The following TARBP1 variants were observed in gnomAD, a reference collection of about 807,000 sequenced individuals.
TARBP1 encodes the protein tRNA (guanosine(18)-2'-O)-methyltransferase TARBP1.
In TARBP1, 144 loss-of-function variants were observed where a neutral mutation model predicts 178.6. That is an observed-to-expected ratio of 0.81 (90% CI 0.70 to 0.93). The LOEUF (loss-of-function observed/expected upper bound fraction) is 0.93, where lower values mean the gene tolerates loss of function less well. Ranked by LOEUF, TARBP1 falls within the 40% of genes least tolerant of loss-of-function variation. TARBP1 has a pLI of 0.00. For synonymous variants in TARBP1, 787 were observed against 781.0 expected (o/e 1.01, Z -0.13); for missense variants, 2,067 against 2,011.7 (o/e 1.03, Z -0.53).
In TARBP1 at chr1:234,391,576, A is replaced by G; in HGVS notation, c.*1T>C. Reference sequence around the variant, plus strand: ...AGCAGCAGTTCACTAAGGAAGGCACATCATGGCTTGGTATCTCCGTGCGAG... The same window carrying G: ...AGCAGCAGTTCACTAAGGAAGGCACGTCATGGCTTGGTATCTCCGTGCGAG... On this transcript the variant is annotated 3_prime_UTR_variant, in exon 30 of 30. Coordinates refer to ENST00000040877, the MANE Select transcript of TARBP1 (RefSeq NM_005646.4). The G allele has an allele frequency of 6.2e-6, 10 of 1,605,638 alleles. No homozygotes were observed. The highest frequency in any genetic ancestry group is 8.5e-6 in the Non-Finnish European group (10 of 1,174,884).
chr1:234,451,766 A>AAAC (rs57636903), intron 9 of TARBP1, among the ~76,000 whole-genome samples: 1,080 of 17,178 alleles, frequency 0.063, 457 homozygotes, highest in Non-Finnish European at 0.064. Flanking sequence ...AAAAAAAAAA[A>AAAC]TGATGAATGA....
At position 234,459,344 on chromosome 1, in the gene TARBP1, A is replaced by G; in HGVS notation, c.1536-18T>C. Reference sequence around the variant, plus strand: ...TAACATCCCTGACATCGAAACACAAAAAATGCAGTTCCGTATTCCCAAAGA... The same window carrying G: ...TAACATCCCTGACATCGAAACACAAGAAATGCAGTTCCGTATTCCCAAAGA... On this transcript the variant is annotated intron_variant, in intron 7 of 29. Coordinates refer to ENST00000040877, the MANE Select transcript of TARBP1 (RefSeq NM_005646.4). The G allele has an allele frequency of 6.3e-7, 1 of 1,578,224 alleles. No homozygotes were observed. Among genetic ancestry groups the G allele is most frequent in the Non-Finnish European group, 8.6e-7 (1 of 1,158,844 alleles).
chr1:234,478,413 G>A lies in TARBP1; in HGVS notation c.691C>T (p.Leu231=). 7.2e-7 allele frequency: 1 copy of A among 1,379,730 alleles called. No individual in the cohort carries two copies. Among genetic ancestry groups the A allele is most frequent in the East Asian group, 3.4e-5 (1 of 29,298 alleles). 85.5% of individuals were successfully genotyped at this position (1,379,730 alleles called of 1,614,324 possible). A position where few individuals can be genotyped will look rare whatever the true frequency, so the allele number is the denominator to read the frequency against. ...LGSGRVEEKL[L]VLSALAEKLL... is the part of the protein sequence containing the mutation. Reference sequence around the variant, plus strand: ...TTCTCGGCCAGGGCGCTCAGGACCAGCAGCTTCTCCTCTACGCGGCCGGAC... The same window carrying A: ...TTCTCGGCCAGGGCGCTCAGGACCAACAGCTTCTCCTCTACGCGGCCGGAC... The change falls in exon 1 of 30, where the codon CTG becomes TTG. Residue 231 remains leucine (L), a synonymous_variant. Coordinates refer to ENST00000040877, the MANE Select transcript of TARBP1 (RefSeq NM_005646.4).
At chr1:234,471,296 G>A (rs200371773) in intron 2 of TARBP1, 39 bp from the exon 3 acceptor site, 1 of 1,355,176 alleles carries the variant, frequency 7.4e-7, no homozygotes, top group South Asian at 1.3e-5. Flanking sequence ...AAATGAAAAT[G>A]CATCTTGAAA....
chr1:234,447,615 C>T (rs1184748082), intron 11 of TARBP1, among the ~76,000 whole-genome samples: 1 of 151,914 alleles, frequency 6.6e-6, no homozygotes, highest in Non-Finnish European at 1.5e-5. Context: ...ACTGGATAAC[C>T]AACTTCGGTA....
At chr1:234,462,757 TA>T (rs1465543836) in intron 6 of TARBP1, among the ~76,000 whole-genome samples, 1 of 152,070 alleles carries the variant, frequency 6.6e-6, no homozygotes, top group African/African-American at 2.4e-5. Context: ...CACATTTTTT[TA>T]AAGAAAAAGT....
At chr1:234,463,993 A>G in intron 5 of TARBP1, 59 bp from the exon 6 acceptor site, 2 of 1,137,170 alleles carry the variant, frequency 1.8e-6, no homozygotes, top group South Asian at 1.9e-5. Flanking sequence ...TGATTACACT[A>G]AAACTAGCCT....
chr1:234,423,984 C>T (rs1439058097), intron 20 of TARBP1, among the ~76,000 whole-genome samples: 1 of 152,170 alleles, frequency 6.6e-6, no homozygotes, highest in Non-Finnish European at 1.5e-5. Context: ...TTAAACTCTA[C>T]TCATCTTTTA....
intron 19 of TARBP1, among the ~76,000 whole-genome samples, chr1:234,426,337 T>C (rs10910432): frequency 0.12 from 18,187 of 152,222 alleles, 1,331 homozygotes; most frequent in East Asian, 0.25. Flanking sequence ...TGTTCACATT[T>C]CATTATAATT....
rs564826882 is a variant in TARBP1 at position 234,414,208 on chromosome 1, A to T, written c.3706-3677T>A. Among the ~76,000 whole-genome samples, 6 of 152,340 alleles carry T rather than the reference A, an allele frequency of 3.9e-5. No individual in the cohort carries two copies. In the South Asian group the frequency reaches 1.2e-3, roughly 32 times the overall value. ...TAGCACAAACACAGCCACAGACAAT[A>T]TGAAAATGCATGGACATGGCTGTGT... On this transcript the variant is annotated intron_variant, in intron 22 of 29. Transcript: ENST00000040877.
chr1:234,468,994 A>G (rs905502558), intron 3 of TARBP1, among the ~76,000 whole-genome samples: 1 of 145,900 alleles, frequency 6.9e-6, no homozygotes, highest in Non-Finnish European at 1.5e-5. Context: ...GAAAAATACC[A>G]CATCTCTCTC....
chr1:234,462,558 G>A (rs993004761), intron 6 of TARBP1, among the ~76,000 whole-genome samples: 4 of 152,070 alleles, frequency 2.6e-5, no homozygotes, highest in East Asian at 1.9e-4. Context: ...GCGTGGTGGC[G>A]CATGCCTGTA....
At chr1:234,416,963 G>T (rs565152420) in intron 22 of TARBP1, among the ~76,000 whole-genome samples, 1 of 152,216 alleles carries the variant, frequency 6.6e-6, no homozygotes, top group African/African-American at 2.4e-5. Context: ...CCAAGCATAA[G>T]GGTTGGGAGA....
At chr1:234,419,452 A>C (rs1662839872) in intron 21 of TARBP1, among the ~76,000 whole-genome samples, 1 of 152,154 alleles carries the variant, frequency 6.6e-6, no homozygotes, top group Non-Finnish European at 1.5e-5. Flanking sequence ...TTAGAGGCAA[A>C]ATGAGAATAT....
chr1:234,404,607 T>C (rs1661026696), intron 24 of TARBP1, among the ~76,000 whole-genome samples: 1 of 152,190 alleles, frequency 6.6e-6, no homozygotes, highest in Non-Finnish European at 1.5e-5. Flanking sequence ...TAGGGGTCCC[T>C]GGCAATGCTA....
chr1:234,445,861 A>G (rs557810758), intron 12 of TARBP1, among the ~76,000 whole-genome samples: 1 of 152,254 alleles, frequency 6.6e-6, no homozygotes, highest in East Asian at 1.9e-4. Flanking sequence ...TTTTGTTTGT[A>G]TCCAAAATTA....
At chr1:234,454,488 T>C in intron 9 of TARBP1, among the ~76,000 whole-genome samples, 1 of 152,050 alleles carries the variant, frequency 6.6e-6, no homozygotes, top group South Asian at 2.1e-4. Context: ...GAGGTCCAGG[T>C]CAAAGAAGAC....
chr1:234,393,476 C>A lies in TARBP1; in HGVS notation c.4446G>T (p.Arg1482Ser). Residue 1482 changes from arginine to serine, a missense_variant, in exon 28 of 30, where the codon AGG (arginine) becomes AGT (serine). By Grantham distance (110) the Arg-to-Ser change is moderately radical. Coordinates refer to ENST00000040877, the MANE Select transcript of TARBP1 (RefSeq NM_005646.4). ...CTGAAGCCCCAAATACCTCACAGGT[C>A]CTGCACAGTCCTGCACAGAACACCT... ...DKPTNLGGLC[R>S]TCEVFGASVL... The A allele has an allele frequency of 6.3e-7, 1 of 1,580,410 alleles. No individual in the cohort carries two copies. Among genetic ancestry groups the A allele is most frequent in the South Asian group, 1.1e-5 (1 of 87,106 alleles).
chr1:234,465,281 G>GT (rs2103279047), intron 5 of TARBP1, among the ~76,000 whole-genome samples: 1 of 152,318 alleles, frequency 6.6e-6, no homozygotes, highest in African/African-American at 2.4e-5. Flanking sequence ...AGACTTTTCT[G>GT]TAAGTGTAAA....
Sources: gnomAD v4.1 joint callset for allele counts (sites outside exome capture counted in the v4.1 genomes callset) on GRCh38, gnomAD v4.1.1 for gene constraint, MANE v1.5 for transcripts, NCBI Gene and HGNC (gene_info 2026-07-23, HGNC 2026-07-21) for gene names.